Variants in CACNG2 observed in about 807,000 individuals in gnomAD.
CACNG2 encodes calcium voltage-gated channel auxiliary subunit gamma 2.
CACNG2 carries 3 observed loss-of-function variants against 25.9 expected under a neutral mutation model. The observed-to-expected ratio is 0.12, with a 90% confidence interval of 0.05 to 0.30. The LOEUF (loss-of-function observed/expected upper bound fraction) is 0.30. CACNG2 is among the 10% of genes least tolerant of loss of function. The pLI is 1.00. For synonymous variants in CACNG2, 167 were observed against 173.3 expected, an observed-to-expected ratio of 0.96 and a Z score of 0.29; for missense variants, 341 against 432.5, an observed-to-expected ratio of 0.79 and a Z score of 1.88.
In CACNG2 at chr22:36,658,404, G is replaced by A. The variant is rs147822895; in HGVS notation, c.211+43962C>T. On this transcript the variant is annotated intron_variant, in intron 1 of 3. Coordinates refer to ENST00000300105, the MANE Select transcript of CACNG2 (RefSeq NM_006078.5). ...CAGGGAGGCCATGGGGCCTGGGAGA[G>A]GGAAGAGGAGCAGAGAGAAGCACGC... 2.2e-3 allele frequency among the ~76,000 whole-genome samples: 328 copies of A among 152,322 alleles called. 3 individuals are homozygous for A. Among genetic ancestry groups the A allele is most frequent in the African/African-American group, 7.5e-3 (311 of 41,574 alleles).
At chr22:36,622,254 G>T (rs1412323995) in intron 1 of CACNG2, among the ~76,000 whole-genome samples, 1 of 152,198 alleles carries the variant, frequency 6.6e-6, no homozygotes, top group Non-Finnish European at 1.5e-5. Flanking sequence ...ACTTGAAATC[G>T]GCAGTTCTCA....
chr22:36,616,014 G>C (rs1257001708), intron 1 of CACNG2, among the ~76,000 whole-genome samples: 1 of 148,316 alleles, frequency 6.7e-6, no homozygotes, highest in Non-Finnish European at 1.5e-5. Flanking sequence ...TTCAAATCCA[G>C]AGCTCAGAAA....
At chr22:36,702,305 A>AG (rs1452361931) in intron 1 of CACNG2, 61 bp downstream of exon 1, 2 of 742,580 alleles carry the variant, frequency 2.7e-6, no homozygotes, top group East Asian at 7.2e-5. Context: ...GAGGGTGGGG[A>AG]GGGGGGAGTG....
intron 1 of CACNG2, among the ~76,000 whole-genome samples, chr22:36,650,377 A>G (rs1372629362): frequency 2.0e-5 from 3 of 151,738 alleles, no homozygotes; most frequent in Non-Finnish European, 4.4e-5. Context: ...ATTCTATTTT[A>G]CTTTTTTTCT....
intron 1 of CACNG2, among the ~76,000 whole-genome samples, chr22:36,620,353 G>A (rs541037164): frequency 6.6e-6 from 1 of 152,334 alleles, no homozygotes; most frequent in South Asian, 2.1e-4. Context: ...TTTCCACTAA[G>A]TGATAGCAAA....
intron 1 of CACNG2, among the ~76,000 whole-genome samples, chr22:36,677,332 C>T (rs889131751): frequency 1.3e-5 from 2 of 152,116 alleles, no homozygotes; most frequent in Non-Finnish European, 2.9e-5. Flanking sequence ...CCAAATATCA[C>T]CTAAGGAATA....
intron 1 of CACNG2, among the ~76,000 whole-genome samples, chr22:36,644,480 T>TG (rs1453958506): frequency 6.6e-6 from 1 of 152,176 alleles, no homozygotes; most frequent in African/African-American, 2.4e-5. Flanking sequence ...ATTGGCTTCT[T>TG]GCCACTGACT....
intron 1 of CACNG2, among the ~76,000 whole-genome samples, chr22:36,699,444 T>C (rs1937383639): frequency 1.3e-5 from 2 of 152,070 alleles, no homozygotes; most frequent in Non-Finnish European, 1.5e-5. Context: ...TTTTTTTTTC[T>C]ATTCTTATTT....
intron 1 of CACNG2, among the ~76,000 whole-genome samples, chr22:36,590,509 G>A (rs1271734228): frequency 6.6e-6 from 1 of 151,850 alleles, no homozygotes; most frequent in African/African-American, 2.4e-5. Flanking sequence ...CTCCCTGCAG[G>A]CTCCATCCAT....
intron 1 of CACNG2, among the ~76,000 whole-genome samples, chr22:36,609,644 T>C (rs146142435): frequency 0.057 from 1,691 of 29,454 alleles, no homozygotes; most frequent in East Asian, 0.084. Context: ...AGAGCGTGAT[T>C]GGGCAGGAAT....
intron 1 of CACNG2, among the ~76,000 whole-genome samples, chr22:36,679,136 CCCTTCCTTCCTT>C (rs575397901): frequency 0.078 from 9,948 of 128,190 alleles, 611 homozygotes; most frequent in East Asian, 0.13. Flanking sequence ...TGGATTTTCT[CCCTTCCTTCCTT>C]CCTTCCTTCC....
At chr22:36,622,560 C>T (rs2042326143) in intron 1 of CACNG2, among the ~76,000 whole-genome samples, 1 of 152,176 alleles carries the variant, frequency 6.6e-6, no homozygotes, top group South Asian at 2.1e-4. Context: ...CCAAAATATG[C>T]CGGGTGAAGG....
intron 1 of CACNG2, among the ~76,000 whole-genome samples, chr22:36,643,845 A>T (rs1936480580): frequency 1.3e-5 from 2 of 152,160 alleles, no homozygotes; most frequent in Admixed American, 1.3e-4. Context: ...CAATCTCATG[A>T]CTCAGTTACC....
At chr22:36,581,385 A>G (rs559344074) in intron 2 of CACNG2, among the ~76,000 whole-genome samples, 1 of 152,244 alleles carries the variant, frequency 6.6e-6, no homozygotes, top group South Asian at 2.1e-4. Flanking sequence ...CGTCCATCAG[A>G]TATTAATTGA....
chr22:36,658,754 T>C (rs1369013885), intron 1 of CACNG2, among the ~76,000 whole-genome samples: 2 of 151,994 alleles, frequency 1.3e-5, no homozygotes, highest in Non-Finnish European at 2.9e-5. Context: ...TAACAAACCA[T>C]AATGTAATCA....
chr22:36,646,427 C>T (rs1936525318), intron 1 of CACNG2, among the ~76,000 whole-genome samples: 1 of 152,184 alleles, frequency 6.6e-6, no homozygotes, highest in Admixed American at 6.5e-5. Flanking sequence ...GAAAAGAACG[C>T]TATCGTTGCT....
rs1271968532 is a variant in CACNG2, at chr22:36,599,590, C to T, written c.212-12042G>A. Among the ~76,000 whole-genome samples the T allele has an allele frequency of 3.3e-5, 5 of 152,228 alleles. 1 individual carries two copies. Among genetic ancestry groups the T allele is most frequent in the Middle Eastern group, 6.8e-3 (2 of 294 alleles). On this transcript the variant is annotated intron_variant, in intron 1 of 3. Transcript: ENST00000300105. ...TGGTGCACACCTGTAGTCCCAGCTA[C>T]TCGGGATGCTGAGGCAGGAGGACTG...
chr22:36,650,807 A>C (rs1476397330), intron 1 of CACNG2, among the ~76,000 whole-genome samples: 2 of 152,204 alleles, frequency 1.3e-5, no homozygotes, highest in East Asian at 3.9e-4. Context: ...GGCATGAGCC[A>C]CCGCGCCTGG....
chr22:36,622,828 G>T (rs996077324), intron 1 of CACNG2, among the ~76,000 whole-genome samples: 10 of 151,536 alleles, frequency 6.6e-5, no homozygotes, highest in Admixed American at 5.3e-4. Flanking sequence ...GGGTGGTGGC[G>T]CATGCCTGTA....
Sources: allele counts gnomAD v4.1 joint callset (sites outside exome capture counted in the v4.1 genomes callset), GRCh38; gene constraint gnomAD v4.1.1; transcripts MANE v1.5; gene names NCBI Gene and HGNC (gene_info 2026-07-23, HGNC 2026-07-21).